The following CDK14 variants were observed in gnomAD, a reference collection of about 807,000 sequenced individuals.
The protein encoded by CDK14 is cyclin dependent kinase 14, also known as cyclin-dependent kinase 14.
Under a neutral mutation model 60.7 loss-of-function variants are expected in CDK14, and 34 were observed. That is an observed-to-expected ratio of 0.56 (90% CI 0.43 to 0.75). CDK14 has a LOEUF of 0.75. Ranked by LOEUF, CDK14 falls within the 30% of genes least tolerant of loss-of-function variation. The pLI is 0.00. For synonymous variants in CDK14, 197 were observed against 203.7 expected (o/e 0.97, Z 0.28); for missense variants, 482 against 564.1 (o/e 0.85, Z 1.47).
chr7:91,103,541 G>A (rs1208883537), intron 12 of CDK14, among the ~76,000 whole-genome samples: 1 of 152,166 alleles, frequency 6.6e-6, no homozygotes, highest in Non-Finnish European at 1.5e-5. Flanking sequence ...TGGTGGCAGA[G>A]CAGGAAATTC....
chr7:90,884,762 G>C (rs993222232), intron 6 of CDK14, among the ~76,000 whole-genome samples: 3 of 152,114 alleles, frequency 2.0e-5, no homozygotes, highest in Admixed American at 6.6e-5. Flanking sequence ...GCAGGACATA[G>C]ATCTCAGAAA....
chr7:90,961,892 A>G (rs1794614559), intron 9 of CDK14, among the ~76,000 whole-genome samples: 1 of 152,370 alleles, frequency 6.6e-6, no homozygotes, highest in African/African-American at 2.4e-5. Context: ...TAGGTGTAAA[A>G]CAGAGATAAT....
At chr7:90,697,269 G>A (rs1359618290) in intron 2 of CDK14, among the ~76,000 whole-genome samples, 1 of 152,102 alleles carries the variant, frequency 6.6e-6, no homozygotes, top group Non-Finnish European at 1.5e-5. Context: ...TGACTTACCT[G>A]AGGAAATTCT....
At chr7:90,706,749 A>G (rs1801904246) in intron 2 of CDK14, among the ~76,000 whole-genome samples, 1 of 152,152 alleles carries the variant, frequency 6.6e-6, no homozygotes, top group Non-Finnish European at 1.5e-5. Flanking sequence ...GCTTTGAGGA[A>G]AAGAAAAATT....
At chr7:90,603,775 C>G (rs1434390891) in intron 1 of CDK14, among the ~76,000 whole-genome samples, 1 of 152,234 alleles carries the variant, frequency 6.6e-6, no homozygotes, top group African/African-American at 2.4e-5. Context: ...CATCAACACA[C>G]TTACACTTCA....
intron 3 of CDK14, among the ~76,000 whole-genome samples, chr7:90,729,519 A>G (rs1045366059): frequency 1.3e-5 from 2 of 151,370 alleles, no homozygotes; most frequent in African/African-American, 4.8e-5. Context: ...TGAATTGGTA[A>G]GGGGGAGAGA....
chr7:90,861,295 A>G (rs13244124), intron 5 of CDK14, among the ~76,000 whole-genome samples: 24,815 of 152,144 alleles, frequency 0.16, 2,119 homozygotes, highest in Non-Finnish European at 0.19. Flanking sequence ...CTTCCCACTC[A>G]TACTCCTCCA....
At chr7:91,085,018 T>C (rs958103416) in intron 12 of CDK14, among the ~76,000 whole-genome samples, 2 of 152,240 alleles carry the variant, frequency 1.3e-5, no homozygotes, top group African/African-American at 2.4e-5. Context: ...TCTAGAAGCA[T>C]AAACTGTAGG....
intron 3 of CDK14, among the ~76,000 whole-genome samples, chr7:90,734,939 C>G (rs896008675): frequency 2.0e-5 from 3 of 152,182 alleles, no homozygotes; most frequent in Non-Finnish European, 4.4e-5. Context: ...TTCTCCCCAT[C>G]TTCATGGATT....
At chr7:90,828,291 T>G (rs931912239) in intron 5 of CDK14, among the ~76,000 whole-genome samples, 3 of 152,244 alleles carry the variant, frequency 2.0e-5, no homozygotes, top group African/African-American at 7.2e-5. Context: ...GTCTGCCATG[T>G]GGACCCAGCA....
intron 5 of CDK14, among the ~76,000 whole-genome samples, chr7:90,811,800 G>T (rs1789131206): frequency 6.6e-6 from 1 of 152,074 alleles, no homozygotes; most frequent in Non-Finnish European, 1.5e-5. Context: ...TCAAAAAGTG[G>T]GCGAAGGATA....
intron 4 of CDK14, among the ~76,000 whole-genome samples, chr7:90,767,922 T>C (rs1244679472): frequency 6.6e-6 from 1 of 152,260 alleles, no homozygotes; most frequent in East Asian, 1.9e-4. Flanking sequence ...TCTCTCAACC[T>C]GTTGTGTCCT....
At chr7:91,181,801 T>C (rs1802011348) in intron 14 of CDK14, among the ~76,000 whole-genome samples, 1 of 152,148 alleles carries the variant, frequency 6.6e-6, no homozygotes, top group Admixed American at 6.5e-5. Flanking sequence ...GAATTTCTAA[T>C]AGCTTCCTTT....
At chr7:91,170,707 A>G (rs1224975079) in intron 14 of CDK14, among the ~76,000 whole-genome samples, 1 of 152,080 alleles carries the variant, frequency 6.6e-6, no homozygotes, top group Non-Finnish European at 1.5e-5. Context: ...TGATTTTGTC[A>G]TAACCAATTA....
At chr7:90,932,120 C>T (rs1254139006) in intron 8 of CDK14, among the ~76,000 whole-genome samples, 1 of 152,188 alleles carries the variant, frequency 6.6e-6, no homozygotes, top group Non-Finnish European at 1.5e-5. Flanking sequence ...CACTTTTGCA[C>T]ATGTTCTGCC....
intron 11 of CDK14, among the ~76,000 whole-genome samples, chr7:91,057,185 C>T (rs1243154747): frequency 1.3e-5 from 2 of 152,094 alleles, no homozygotes; most frequent in Non-Finnish European, 2.9e-5. Flanking sequence ...TTTCATGTGC[C>T]TTTTGGCTGC....
intron 4 of CDK14, among the ~76,000 whole-genome samples, chr7:90,780,458 G>C (rs1173430379): frequency 6.7e-6 from 1 of 149,200 alleles, no homozygotes; most frequent in African/African-American, 2.5e-5. Flanking sequence ...AAGTTTTAGG[G>C]TACATGTGCA....
At chr7:90,759,641 T>C (rs1804234495) in intron 4 of CDK14, among the ~76,000 whole-genome samples, 1 of 152,206 alleles carries the variant, frequency 6.6e-6, no homozygotes, top group South Asian at 2.1e-4. Flanking sequence ...CCCCAGGTTC[T>C]GCACCCTACC....
At chr7:90,770,738 C>G (rs11763939) in intron 4 of CDK14, among the ~76,000 whole-genome samples, 31,181 of 152,126 alleles carry the variant, frequency 0.2, 3,343 homozygotes, top group South Asian at 0.24. Flanking sequence ...TAGACCCCTT[C>G]ACGCTTAAGT....
Sources: allele counts gnomAD v4.1 joint callset (sites outside exome capture counted in the v4.1 genomes callset), GRCh38; gene constraint gnomAD v4.1.1; transcripts MANE v1.5; gene names NCBI Gene and HGNC (gene_info 2026-07-23, HGNC 2026-07-21).